Variants in ZNF426 observed in about 807,000 individuals in gnomAD.
ZNF426 encodes the protein zinc finger protein 426.
ZNF426 carries 23 observed loss-of-function variants against 24.0 expected under a neutral mutation model. The observed-to-expected ratio is 0.96, with a 90% CI of 0.69 to 1.36. ZNF426 has a LOEUF of 1.36. Ranked by LOEUF, ZNF426 falls within the 40% of genes most tolerant of loss-of-function variation. ZNF426 has a pLI of 0.00. For synonymous variants in ZNF426, 272 were observed against 224.6 expected (o/e 1.21, Z -1.89); for missense variants, 646 against 658.4 (o/e 0.98, Z 0.21).
intron 2 of ZNF426, among the ~76,000 whole-genome samples, chr19:9,537,736 C>T (rs1048475408): frequency 4.6e-5 from 7 of 152,030 alleles, no homozygotes; most frequent in Admixed American, 6.6e-5. Context: ...CTGCAACGTC[C>T]GCCTCCTGGG....
rs895618633 is a variant in ZNF426, at chr19:9,524,841, G to C, written c.*3539C>G. 3 of 149,566 alleles carry C rather than the reference G, an allele frequency of 2.0e-5. No homozygotes were observed. Among genetic ancestry groups the C allele is most frequent in the Non-Finnish European group, 4.4e-5 (3 of 67,532 alleles). 9.3% of individuals were successfully genotyped at this position (149,566 alleles called of 1,614,324 possible). On this transcript the variant is annotated 3_prime_UTR_variant, in exon 8 of 8. Coordinates refer to ENST00000253115, the MANE Select transcript of ZNF426 (RefSeq NM_024106.3). ...ATTTATCATACTACTTATATTCACAGGGTTTCTTTACCATGTGAGTTCATA... is the reference window on the plus strand; with the variant it reads ...ATTTATCATACTACTTATATTCACACGGTTTCTTTACCATGTGAGTTCATA...
chr19:9,533,985 G>A lies in ZNF426; in HGVS notation c.118-19C>T. On this transcript the variant is annotated intron_variant, in intron 4 of 7. Transcript: ENST00000253115. ...CTGAATCCTAAAGCATCACACACATGCTGGTTGGAGCCAAGTAACAAGCCC... is the reference window on the plus strand; with the variant it reads ...CTGAATCCTAAAGCATCACACACATACTGGTTGGAGCCAAGTAACAAGCCC... 6.2e-7 allele frequency: 1 copy of A among 1,608,838 alleles called. No homozygotes were observed. The highest frequency in any genetic ancestry group is 1.3e-5 in the African/African-American group (1 of 74,720).
At chr19:9,533,706 A>G in intron 5 of ZNF426, 134 bp downstream of exon 5, 1 of 1,250,402 alleles carries the variant, frequency 8.0e-7, no homozygotes, top group South Asian at 1.4e-5. Context: ...AGTAGATTAA[A>G]ATCTATTTAG....
rs560371038 is a variant in ZNF426, at chr19:9,535,285, A to G, written c.26-6T>C. 1.9e-6 allele frequency: 3 copies of G among 1,610,864 alleles called. No homozygotes were observed. Among genetic ancestry groups the G allele is most frequent in the East Asian group, 2.2e-5 (1 of 44,790 alleles). On this transcript the variant is annotated splice_polypyrimidine_tract_variant and splice_region_variant and intron_variant, in intron 3 of 7. Transcript: ENST00000253115. The stretch of plus-strand genomic sequence containing the variant: ...GTCCCCAGAAAGATAATGTCCTGTA[A>G]GAAAATGAAGGCAAGAGAACCCCGA...
intron 7 of ZNF426, 69 bp from the exon 8 acceptor site, chr19:9,529,705 C>T: frequency 1.4e-6 from 2 of 1,425,032 alleles, no homozygotes; most frequent in Non-Finnish European, 1.9e-6. Flanking sequence ...CCATCTGAAG[C>T]TAGAAACATT....
Position 9,529,677 on chromosome 19 carries a change from CAT to C in ZNF426, c.409-43_409-42del, listed in dbSNP as rs1383036077. The stretch of plus-strand genomic sequence containing the variant: ...TGATGATTTAAGGATTTTTCTCAAA[CAT>C]ATTAACAGAACATACCCATCTGAAG... On this transcript the variant is annotated intron_variant, in intron 7 of 7. Coordinates refer to ENST00000253115, the MANE Select transcript of ZNF426 (RefSeq NM_024106.3). 1.9e-6 allele frequency: 3 copies of C among 1,538,610 alleles called. No individual in the cohort carries two copies. In the African/African-American group the frequency reaches 4.1e-5, roughly 21 times the overall value.
At chr19:9,535,702 C>T (rs868326734) in intron 3 of ZNF426, among the ~76,000 whole-genome samples, 1 of 151,968 alleles carries the variant, frequency 6.6e-6, no homozygotes, top group Non-Finnish European at 1.5e-5. Flanking sequence ...GGCATGGTGG[C>T]ATGTGCCTGC....
At position 9,527,194 on chromosome 19, in the gene ZNF426, G is replaced by C. The variant is rs2073802786; in HGVS notation, c.*1186C>G. On this transcript the variant is annotated 3_prime_UTR_variant, in exon 8 of 8. Coordinates refer to ENST00000253115, the MANE Select transcript of ZNF426 (RefSeq NM_024106.3). Reference sequence around the variant, plus strand: ...ATACCATATTCCTTACCTTCCCAGGGTTCTGAGGTAATTTTACATGTGTAA... The same window carrying C: ...ATACCATATTCCTTACCTTCCCAGGCTTCTGAGGTAATTTTACATGTGTAA... 1 of 152,146 alleles carries C rather than the reference G, an allele frequency of 6.6e-6. No homozygotes were observed. Among genetic ancestry groups the C allele is most frequent in the African/African-American group, 2.4e-5 (1 of 41,416 alleles). The allele number at this position is 152,146 out of a possible 1,614,324, so 9.4% of individuals were successfully genotyped here.
At position 9,528,782 on chromosome 19, in the gene ZNF426, C is replaced by T. The variant is rs1381938003; in HGVS notation, c.1263G>A (p.Glu421=). 3.1e-6 allele frequency: 5 copies of T among 1,614,058 alleles called. No individual in the cohort carries two copies. Among genetic ancestry groups the T allele is most frequent in the Non-Finnish European group, 4.2e-6 (5 of 1,180,028 alleles). Residue 421 remains glutamate, a synonymous_variant, in exon 8 of 8, where the codon GAG becomes GAA. Transcript: ENST00000253115. ...LRTHTEEKAC[E]CKICGKVFGY... ...CAAATACTTTCCCACATATCTTACA[C>T]TCACAGGCCTTCTCTTCAGTGTGAG...
intron 4 of ZNF426, among the ~76,000 whole-genome samples, chr19:9,534,282 T>G (rs1465550797): frequency 6.6e-6 from 1 of 152,112 alleles, no homozygotes; most frequent in African/African-American, 2.4e-5. Flanking sequence ...CTTGGCTCAC[T>G]GCAACCTCCA....
intron 7 of ZNF426, among the ~76,000 whole-genome samples, chr19:9,530,679 C>A (rs2073869341): frequency 6.6e-6 from 1 of 151,474 alleles, no homozygotes; most frequent in Non-Finnish European, 1.5e-5. Context: ...GGGAGGATCG[C>A]CTGAGCCCAG....
rs907775099 is a variant in ZNF426 at position 9,524,712 on chromosome 19, T to C, written c.*3668A>G. 6 of 133,144 alleles carry C rather than the reference T, an allele frequency of 4.5e-5. No individual in the cohort carries two copies. Among genetic ancestry groups the C allele is most frequent in the South Asian group, 2.3e-4 (1 of 4,408 alleles). 8.2% of individuals were successfully genotyped at this position (133,144 alleles called of 1,614,324 possible). A position where few individuals can be genotyped will look rare whatever the true frequency, so the allele number is the denominator to read the frequency against. On this transcript the variant is annotated 3_prime_UTR_variant, in exon 8 of 8. Transcript: ENST00000253115. ...AGAATAATCACTTGAACCTGGGTGA[T>C]AGAGGTTGTAGTGAGCCAAGATTGA...
intron 6 of ZNF426, among the ~76,000 whole-genome samples, chr19:9,532,598 A>T (rs753727606): frequency 2.8e-4 from 43 of 152,060 alleles, no homozygotes; most frequent in Non-Finnish European, 7.4e-5. Flanking sequence ...TGCCTGGCCG[A>T]GTTTCCCATT....
chr19:9,529,268 T>C lies in ZNF426; in HGVS notation c.777A>G (p.Pro259=). The C allele has an allele frequency of 6.2e-7, 1 of 1,613,868 alleles. No individual in the cohort carries two copies. Among genetic ancestry groups the C allele is most frequent in the Non-Finnish European group, 8.5e-7 (1 of 1,179,930 alleles). ...EKLYEWRNYG[P]GFIDSTSLSV... is the part of the protein sequence containing the mutation. The stretch of plus-strand genomic sequence containing the variant: ...AAAGGCTTGTAGAGTCAATAAAACC[T>C]GGCCCATAATTCCTCCATTCGTAGA... Residue 259 remains proline, a synonymous_variant, in exon 8 of 8, where the codon CCA becomes CCG. Coordinates refer to ENST00000253115, the MANE Select transcript of ZNF426 (RefSeq NM_024106.3).
chr19:9,531,807 A>G (rs757122470), intron 6 of ZNF426, among the ~76,000 whole-genome samples: 8 of 152,150 alleles, frequency 5.3e-5, no homozygotes, highest in Non-Finnish European at 1.0e-4. Flanking sequence ...ACACGGTGAA[A>G]CCCCGTCTCT....
At chr19:9,534,834 A>C (rs749706168) in intron 4 of ZNF426, among the ~76,000 whole-genome samples, 5 of 152,138 alleles carry the variant, frequency 3.3e-5, no homozygotes, top group Non-Finnish European at 5.9e-5. Flanking sequence ...TACTCAAGCA[A>C]TCTGCCTGCC....
At position 9,528,859 on chromosome 19, in the gene ZNF426, C is replaced by G. The variant is rs560279799; in HGVS notation, c.1186G>C (p.Glu396Gln). The change falls in exon 8 of 8, where the codon GAA becomes CAA. Residue 396 changes from glutamate (E) to glutamine (Q), a missense_variant. By Grantham distance (29) the Glu-to-Gln change is conservative. Coordinates refer to ENST00000253115, the MANE Select transcript of ZNF426 (RefSeq NM_024106.3). ...HTGEKPFVCV[E>Q]CGKAFAVSSN... ...GAAACTGCAAAGGCTTTCCCACATT[C>G]AACACATACAAAAGGCTTCTCTCCA... The G allele has an allele frequency of 1.2e-6, 2 of 1,614,122 alleles. No individual in the cohort carries two copies. The highest frequency in any genetic ancestry group is 2.2e-5 in the South Asian group (2 of 91,072).
intron 4 of ZNF426, among the ~76,000 whole-genome samples, chr19:9,534,536 G>A (rs964701747): frequency 7.2e-5 from 11 of 151,938 alleles, no homozygotes; most frequent in East Asian, 1.9e-4. Context: ...CTATTTGAGC[G>A]CATTGCTCAG....
rs777557412 is a variant in ZNF426, at chr19:9,533,839, C to T, written c.244+1G>A. ...GCTGCAAGGGATGAGGCCAGTCTTA[C>T]CTACTGTGGCCAGGTTCTTGTAGTT... On this transcript the variant is annotated splice_donor_variant, in intron 5 of 7. Transcript: ENST00000253115. LOFTEE classifies it high-confidence loss of function. The T allele has an allele frequency of 1.2e-6, 2 of 1,614,060 alleles. No individual in the cohort carries two copies. The highest frequency in any genetic ancestry group is 1.3e-5 in the African/African-American group (1 of 75,060).
Sources: allele counts gnomAD v4.1 joint callset (sites outside exome capture counted in the v4.1 genomes callset), GRCh38; gene constraint gnomAD v4.1.1; transcripts MANE v1.5; gene names NCBI Gene and HGNC (gene_info 2026-07-23, HGNC 2026-07-21).